CADPS2: variants seen among roughly 807,000 people sequenced by gnomAD.
CADPS2 encodes the protein calcium dependent secretion activator 2, also known as calcium-dependent secretion activator 2.
A neutral mutation model predicts 172.5 loss-of-function variants in CADPS2; 93 were observed. The observed-to-expected ratio is 0.54, with a 90% confidence interval of 0.46 to 0.64. The LOEUF (loss-of-function observed/expected upper bound fraction) is 0.64, where lower values mean the gene tolerates loss of function less well. Ranked by LOEUF, CADPS2 falls within the 30% of genes least tolerant of loss-of-function variation. The probability of loss-of-function intolerance (pLI) is 0.00; values close to 1 mark genes in which losing one functional copy is unlikely to be tolerated. For synonymous variants in CADPS2, 546 were observed against 555.2 expected, an observed-to-expected ratio of 0.98 and a Z score of 0.23; for missense variants, 1,420 against 1,565.9, an observed-to-expected ratio of 0.91 and a Z score of 1.57.
At chr7:122,721,763 C>T (rs779995192) in intron 2 of CADPS2, among the ~76,000 whole-genome samples, 13 of 152,120 alleles carry the variant, frequency 8.5e-5, no homozygotes, top group Non-Finnish European at 1.2e-4. Flanking sequence ...CACCAATATC[C>T]CTGATGAAAA....
At chr7:122,622,671 T>C (rs937575112) in intron 4 of CADPS2, among the ~76,000 whole-genome samples, 1 of 152,184 alleles carries the variant, frequency 6.6e-6, no homozygotes, top group African/African-American at 2.4e-5. Flanking sequence ...AGAGGGTATA[T>C]AGTTTTACAA....
In CADPS2 at chr7:122,374,924, A is replaced by C. The variant is rs560958091; in HGVS notation, c.3387+4444T>G. ...ACTAACAATGCACTATTTGGAAAGG[A>C]AGTTCAGAAAACAATCTCATCTACA... On this transcript the variant is annotated intron_variant, in intron 25 of 29. Coordinates refer to ENST00000449022, the MANE Select transcript of CADPS2 (RefSeq NM_017954.11). 2.2e-4 allele frequency among the ~76,000 whole-genome samples: 33 copies of C among 152,328 alleles called. No individual in the cohort carries two copies. In the South Asian group the frequency reaches 6.6e-3, roughly 31 times the overall value.
At chr7:122,417,761 G>A (rs2048094883) in intron 17 of CADPS2, among the ~76,000 whole-genome samples, 3 of 152,194 alleles carry the variant, frequency 2.0e-5, no homozygotes, top group Non-Finnish European at 2.9e-5. Flanking sequence ...GAGGACTGCT[G>A]AAAGCAGGTC....
chr7:122,879,236 CAAAAAAA>C lies in CADPS2; in HGVS notation c.339+6756_339+6762del, dbSNP rs34464177. On this transcript the variant is annotated intron_variant, in intron 1 of 29. Transcript: ENST00000449022. ...TGGGCAACAGAGTGATACTCTGCCT[CAAAAAAA>C]AAAAAAAAAAAGGACCAGGTGCAGT... Among the ~76,000 whole-genome samples the C allele has an allele frequency of 4.4e-4, 36 of 80,974 alleles. 1 individual carries two copies. Among genetic ancestry groups the C allele is most frequent in the Non-Finnish European group, 1.0e-4 (4 of 39,544 alleles). The allele number at this position is 80,974 out of a possible 152,430, so 53.1% of individuals were successfully genotyped here. A position where few individuals can be genotyped will look rare whatever the true frequency, so the allele number is the denominator to read the frequency against.
At chr7:122,780,404 T>G (rs1331077004) in intron 1 of CADPS2, among the ~76,000 whole-genome samples, 3 of 152,102 alleles carry the variant, frequency 2.0e-5, no homozygotes, top group Non-Finnish European at 2.9e-5. Context: ...TAAATTACAA[T>G]AAAATAATTT....
intron 17 of CADPS2, among the ~76,000 whole-genome samples, chr7:122,418,060 C>T (rs2048132102): frequency 6.6e-6 from 1 of 151,884 alleles, no homozygotes. Context: ...ATCTCAGCTA[C>T]TCAGGAGGCT....
chr7:122,798,082 A>C (rs942205215), intron 1 of CADPS2, among the ~76,000 whole-genome samples: 1 of 152,128 alleles, frequency 6.6e-6, no homozygotes, highest in Middle Eastern at 3.4e-3. Context: ...ACTGAATAAC[A>C]GTTTTCCAAT....
At chr7:122,810,875 T>G (rs908175399) in intron 1 of CADPS2, among the ~76,000 whole-genome samples, 1 of 152,194 alleles carries the variant, frequency 6.6e-6, no homozygotes, top group Non-Finnish European at 1.5e-5. Flanking sequence ...ATTATGGGAA[T>G]GAGCCACCAT....
At chr7:122,577,689 T>C (rs564107186) in intron 7 of CADPS2, among the ~76,000 whole-genome samples, 3 of 152,284 alleles carry the variant, frequency 2.0e-5, no homozygotes, top group Non-Finnish European at 4.4e-5. Flanking sequence ...GTACAATTTT[T>C]GGATTGTATA....
intron 8 of CADPS2, among the ~76,000 whole-genome samples, chr7:122,541,199 ATT>A (rs35364064): frequency 8.0e-5 from 11 of 138,088 alleles, no homozygotes; most frequent in African/African-American, 7.9e-5. Flanking sequence ...TTATGAGATG[ATT>A]TTTTTTTTTT....
At chr7:122,734,388 A>AAAAAAAAAAAAAAAAAAAC (rs2091976264) in intron 2 of CADPS2, among the ~76,000 whole-genome samples, 1 of 57,500 alleles carries the variant, frequency 1.7e-5, no homozygotes, top group Non-Finnish European at 3.8e-5. Flanking sequence ...AAAAAAAAAG[A>AAAAAAAAAAAAAAAAAAAC]AAAAAAAAAA....
Position 122,318,941 on chromosome 7 carries a change from C to T in CADPS2, c.*1224G>A, listed in dbSNP as rs2031833839. The T allele has an allele frequency of 6.6e-6, 1 of 152,138 alleles. No individual in the cohort carries two copies. The highest frequency in any genetic ancestry group is 1.5e-5 in the Non-Finnish European group (1 of 68,026). 9.4% of individuals were successfully genotyped at this position (152,138 alleles called of 1,614,324 possible). A position where few individuals can be genotyped will look rare whatever the true frequency, so the allele number is the denominator to read the frequency against. On this transcript the variant is annotated 3_prime_UTR_variant, in exon 30 of 30. Coordinates refer to ENST00000449022, the MANE Select transcript of CADPS2 (RefSeq NM_017954.11). ...TTTAAAAATTACTTATTAATAAATGCAGTAGCACAATCTGCCAATATGTTT... is the reference window on the plus strand; with the variant it reads ...TTTAAAAATTACTTATTAATAAATGTAGTAGCACAATCTGCCAATATGTTT...
intron 1 of CADPS2, among the ~76,000 whole-genome samples, chr7:122,838,379 T>G (rs1809257990): frequency 6.6e-6 from 1 of 152,186 alleles, no homozygotes; most frequent in African/African-American, 2.4e-5. Context: ...CAAACAGGGA[T>G]GCCCTCTCTC....
intron 8 of CADPS2, among the ~76,000 whole-genome samples, chr7:122,544,413 C>T (rs2131711020): frequency 6.6e-6 from 1 of 152,220 alleles, no homozygotes; most frequent in Non-Finnish European, 1.5e-5. Flanking sequence ...TAGCATACTG[C>T]CCTAAAACCT....
chr7:122,650,959 A>G (rs984826965), intron 3 of CADPS2, among the ~76,000 whole-genome samples: 2 of 152,112 alleles, frequency 1.3e-5, no homozygotes, highest in African/African-American at 4.8e-5. Context: ...CAATCTAACT[A>G]TTCTTAAGAT....
chr7:122,854,196 C>A (rs773861884), intron 1 of CADPS2, among the ~76,000 whole-genome samples: 1 of 151,922 alleles, frequency 6.6e-6, no homozygotes, highest in South Asian at 2.1e-4. Context: ...CTGGTCTCCA[C>A]AAAAAATACA....
At chr7:122,597,163 A>C (rs561939090) in intron 6 of CADPS2, among the ~76,000 whole-genome samples, 2 of 152,092 alleles carry the variant, frequency 1.3e-5, no homozygotes. Context: ...TGGAGATTAC[A>C]TTACTACATG....
chr7:122,472,707 T>A (rs1433086345), intron 13 of CADPS2, among the ~76,000 whole-genome samples: 1 of 152,198 alleles, frequency 6.6e-6, no homozygotes, highest in East Asian at 1.9e-4. Context: ...TCACTCTATG[T>A]GTTTGTCCAT....
In CADPS2 at chr7:122,462,288, T is replaced by C. The variant is rs553004952; in HGVS notation, c.2186+9087A>G. Among the ~76,000 whole-genome samples, 3 of 152,226 alleles carry C rather than the reference T, an allele frequency of 2.0e-5. No individual in the cohort carries two copies. In the South Asian group the frequency reaches 6.2e-4, roughly 32 times the overall value. ...GAACTACCTAGGAGGAGAAATTTGTTAATTAGCATAAGACTTTAAAATTTC... is the reference window on the plus strand; with the variant it reads ...GAACTACCTAGGAGGAGAAATTTGTCAATTAGCATAAGACTTTAAAATTTC... On this transcript the variant is annotated intron_variant, in intron 14 of 29. Coordinates refer to ENST00000449022, the MANE Select transcript of CADPS2 (RefSeq NM_017954.11).
Sources: allele counts gnomAD v4.1 joint callset (sites outside exome capture counted in the v4.1 genomes callset), GRCh38; gene constraint gnomAD v4.1.1; transcripts MANE v1.5; gene names NCBI Gene and HGNC (gene_info 2026-07-23, HGNC 2026-07-21).